The following ADAMTS14 variants were observed in gnomAD, a reference collection of about 807,000 sequenced individuals.
ADAMTS14 encodes ADAM metallopeptidase with thrombospondin type 1 motif 14, also known as A disintegrin and metalloproteinase with thrombospondin motifs 14.
ADAMTS14 carries 100 observed loss-of-function variants against 128.6 expected under a neutral mutation model. The observed-to-expected ratio is 0.78, with a 90% CI of 0.66 to 0.92. The LOEUF (loss-of-function observed/expected upper bound fraction) is 0.92, where lower values mean the gene tolerates loss of function less well. ADAMTS14 is among the 40% of genes least tolerant of loss of function. The pLI is 0.00. For synonymous variants in ADAMTS14, 665 were observed against 653.8 expected (o/e 1.02, Z -0.26); for missense variants, 1,562 against 1,658.6 (o/e 0.94, Z 1.01).
At chr10:70,742,888 A>G (rs1360935896) in intron 12 of ADAMTS14, among the ~76,000 whole-genome samples, 1 of 152,194 alleles carries the variant, frequency 6.6e-6, no homozygotes, top group Non-Finnish European at 1.5e-5. Flanking sequence ...CTGTTGCTCC[A>G]TTTTGCAAAC....
chr10:70,720,589 C>G (rs960032506), intron 4 of ADAMTS14, among the ~76,000 whole-genome samples: 3 of 152,342 alleles, frequency 2.0e-5, no homozygotes, highest in East Asian at 3.9e-4. Context: ...CTGCGAGGGT[C>G]AGCCCCAGAG....
rs1283064480 is a variant in ADAMTS14 at position 70,674,596 on chromosome 10, A to G, written c.123A>G (p.Thr41=). 3 of 1,613,962 alleles carry G rather than the reference A, an allele frequency of 1.9e-6. No homozygotes were observed. The South Asian group carries it at 3.3e-5, about 18-fold the overall frequency. The change falls in exon 2 of 22, where the codon ACA becomes ACG. Residue 41 remains threonine, a synonymous_variant. Coordinates refer to ENST00000373207, the MANE Select transcript of ADAMTS14 (RefSeq NM_080722.4). ...LSGKLSDYGV[T]VPCSTDFRGR... ...GAAAGCTCAGTGACTATGGTGTGAC[A>G]GTGCCCTGCAGCACAGACTTTCGGG... is the stretch of plus-strand genomic sequence containing the variant.
intron 2 of ADAMTS14, among the ~76,000 whole-genome samples, chr10:70,685,512 A>C (rs958887598): frequency 1.4e-4 from 21 of 152,132 alleles, no homozygotes; most frequent in African/African-American, 3.9e-4. Flanking sequence ...GTGGCTGGAA[A>C]AGGCTTTGGG....
intron 4 of ADAMTS14, among the ~76,000 whole-genome samples, chr10:70,711,332 G>A (rs560685743): frequency 1.9e-4 from 29 of 152,338 alleles, no homozygotes; most frequent in African/African-American, 6.7e-4. Context: ...CCCGAAGCAG[G>A]ACTCTGATTG....
At chr10:70,746,499 G>A (rs1408570585) in intron 15 of ADAMTS14, among the ~76,000 whole-genome samples, 4 of 152,158 alleles carry the variant, frequency 2.6e-5, no homozygotes, top group East Asian at 1.9e-4. Flanking sequence ...TTAGACAGTG[G>A]CAATGGCTGA....
At chr10:70,752,280 C>T (rs1010474310) in intron 18 of ADAMTS14, 53 bp downstream of exon 18, 1 of 1,596,966 alleles carries the variant, frequency 6.3e-7, no homozygotes, top group Admixed American at 1.7e-5. Context: ...TAGCCCGGGC[C>T]CCAGGCAGCG....
At position 70,708,789 on chromosome 10, in the gene ADAMTS14, A is replaced by C; in HGVS notation, c.870+11A>C. ...ACCCTCATGAATATCGTGAGTGTCC[A>C]TGTGTCCTAGGACTTGGGGGGAGTG... On this transcript the variant is annotated intron_variant, in intron 4 of 21. Transcript: ENST00000373207. 1 of 705,728 alleles carries C rather than the reference A, an allele frequency of 1.4e-6. No homozygotes were observed. Among genetic ancestry groups the C allele is most frequent in the Non-Finnish European group, 2.4e-6 (1 of 422,534 alleles). 43.7% of individuals were successfully genotyped at this position (705,728 alleles called of 1,614,324 possible). A position where few individuals can be genotyped will look rare whatever the true frequency, so the allele number is the denominator to read the frequency against.
At position 70,738,937 on chromosome 10, in the gene ADAMTS14, G is replaced by T; in HGVS notation, c.1695G>T (p.Ser565=). 1 of 1,613,986 alleles carries T rather than the reference G, an allele frequency of 6.2e-7. No homozygotes were observed. Among genetic ancestry groups the T allele is most frequent in the Non-Finnish European group, 8.5e-7 (1 of 1,179,958 alleles). Residue 565 remains serine, a synonymous_variant, in exon 11 of 22, where the codon TCG becomes TCT. Transcript: ENST00000373207. Reference sequence around the variant, plus strand: ...CCTGGACCAAGTTTGGGTCATGTTCGCGGTCATGTGGGGGCGGGGTGCGAT... The same window carrying T: ...CCTGGACCAAGTTTGGGTCATGTTCTCGGTCATGTGGGGGCGGGGTGCGAT... ...WSSWTKFGSC[S]RSCGGGVRSR... is the part of the protein sequence containing the mutation.
At chr10:70,757,628 T>A (rs1842506570) in intron 19 of ADAMTS14, among the ~76,000 whole-genome samples, 1 of 152,144 alleles carries the variant, frequency 6.6e-6, no homozygotes, top group South Asian at 2.1e-4. Flanking sequence ...ACACAGTGCA[T>A]GCAGGTGGTA....
intron 4 of ADAMTS14, among the ~76,000 whole-genome samples, chr10:70,709,256 G>C (rs1840763094): frequency 6.6e-6 from 1 of 152,136 alleles, no homozygotes; most frequent in African/African-American, 2.4e-5. Flanking sequence ...CCCTGACGTT[G>C]GCCCTGGGTG....
intron 16 of ADAMTS14, among the ~76,000 whole-genome samples, chr10:70,750,794 A>G (rs188777033): frequency 6.6e-6 from 1 of 152,344 alleles, no homozygotes; most frequent in African/African-American, 2.4e-5. Flanking sequence ...CTGGATGTCT[A>G]CATGCAAAAG....
At chr10:70,730,017 C>T (rs1841582920) in intron 5 of ADAMTS14, 85 bp from the exon 6 acceptor site, 3 of 1,478,082 alleles carry the variant, frequency 2.0e-6, no homozygotes, top group African/African-American at 1.4e-5. Context: ...TTAGCGTTCC[C>T]ATCTGTAAGT....
At chr10:70,733,801 C>G in intron 7 of ADAMTS14, 84 bp from the exon 8 acceptor site, 2 of 1,530,940 alleles carry the variant, frequency 1.3e-6, no homozygotes, top group Non-Finnish European at 1.8e-6. Flanking sequence ...GTCAGGGTCT[C>G]CTGCTGCTGG....
In ADAMTS14 at chr10:70,726,436, C is replaced by A. The variant is rs377316326; in HGVS notation, c.871-2858C>A. 1.2e-3 allele frequency among the ~76,000 whole-genome samples: 184 copies of A among 152,360 alleles called. 1 individual carries two copies. Among genetic ancestry groups the A allele is most frequent in the African/African-American group, 4.1e-3 (172 of 41,578 alleles). On this transcript the variant is annotated intron_variant, in intron 4 of 21. Coordinates refer to ENST00000373207, the MANE Select transcript of ADAMTS14 (RefSeq NM_080722.4). The stretch of plus-strand genomic sequence containing the variant: ...CATTTCCAGATGCCCAGAGGCCCAG[C>A]AGATGCCCCCGCTGAATGTCCCAGT...
chr10:70,731,817 G>T (rs1349141595), intron 6 of ADAMTS14, among the ~76,000 whole-genome samples: 1 of 152,226 alleles, frequency 6.6e-6, no homozygotes, highest in Non-Finnish European at 1.5e-5. Context: ...GTGGTGGTGG[G>T]TGGGTAGCGG....
chr10:70,743,399 A>G (rs1842065627), intron 12 of ADAMTS14, 149 bp from the exon 13 acceptor site: 2 of 853,820 alleles, frequency 2.3e-6, no homozygotes, highest in Admixed American at 3.8e-5. Context: ...GTGACACAGC[A>G]GGGATTTTCA....
rs1347046752 is a variant in ADAMTS14 at position 70,743,617 on chromosome 10, T to C, written c.1994T>C (p.Val665Ala). 3 of 1,612,512 alleles carry C rather than the reference T, an allele frequency of 1.9e-6. No individual in the cohort carries two copies. The highest frequency in any genetic ancestry group is 2.5e-6 in the Non-Finnish European group (3 of 1,179,588). The change falls in exon 13 of 22, where the codon GTT (valine) becomes GCT (alanine). Residue 665 changes from valine to alanine, a missense_variant. Transcript: ENST00000373207. Reference sequence around the variant, plus strand: ...GACGTGGTGTTCATGAACCAGGTGGTTCACGATGGGACACGCTGCAGCTAC... The same window carrying C: ...GACGTGGTGTTCATGAACCAGGTGGCTCACGATGGGACACGCTGCAGCTAC... ...TGDVVFMNQV[V>A]HDGTRCSYRD...
chr10:70,749,608 A>AGTGTGT (rs72483126), intron 15 of ADAMTS14, among the ~76,000 whole-genome samples: 5,642 of 147,766 alleles, frequency 0.038, 195 homozygotes, highest in East Asian at 0.17. Context: ...AGGCAGCAAG[A>AGTGTGT]GTGTGTGTGT....
rs1047684991 is a variant in ADAMTS14, at chr10:70,674,990, G to A, written c.517G>A (p.Gly173Arg). ...GAAVAISNCD[G>R]LAGLIRTDST... ...AGCTGTTGCCATCAGCAACTGTGAC[G>A]GATTGGTAAGGGATGAGACTTTCAT... Residue 173 changes from glycine to arginine, a missense_variant, in exon 2 of 22, where the codon GGA becomes AGA. Gly to Arg is a moderately radical substitution (Grantham distance 125, BLOSUM62 -2). Transcript: ENST00000373207. The A allele has an allele frequency of 7.4e-6, 12 of 1,611,554 alleles. No homozygotes were observed. The highest frequency in any genetic ancestry group is 5.0e-5 in the Admixed American group (3 of 60,010).
Sources: allele counts gnomAD v4.1 joint callset (sites outside exome capture counted in the v4.1 genomes callset), GRCh38; gene constraint gnomAD v4.1.1; transcripts MANE v1.5; gene names NCBI Gene and HGNC (gene_info 2026-07-23, HGNC 2026-07-21).